Variants in UMAD1 observed in about 807,000 individuals in gnomAD.
The protein encoded by UMAD1 is UBAP1-MVB12-associated (UMA)-domain containing protein 1.
A neutral mutation model predicts 6.1 loss-of-function variants in UMAD1; 8 were observed. That is an observed-to-expected ratio of 1.30 (90% CI 0.76 to 2.35). UMAD1 has a LOEUF of 2.35. UMAD1 is among the 30% of genes most tolerant of loss of function. UMAD1 has a pLI of 0.00. For synonymous variants in UMAD1, 56 were observed against 31.4 expected (o/e 1.78, Z -2.61); for missense variants, 130 against 78.4 (o/e 1.66, Z -2.49).
chr7:7,873,705 T>C (rs73347330), intron 3 of UMAD1, among the ~76,000 whole-genome samples: 2,346 of 152,330 alleles, frequency 0.015, 66 homozygotes, highest in African/African-American at 0.051. Flanking sequence ...GTATTGGAGA[T>C]GCTTTGTGAC....
At position 7,662,645 on chromosome 7, in the gene UMAD1, C is replaced by G. The variant is rs146977201; in HGVS notation, c.-63-10664C>G. 2.8e-3 allele frequency among the ~76,000 whole-genome samples: 433 copies of G among 152,254 alleles called. 1 individual carries two copies. The highest frequency in any genetic ancestry group is 9.4e-3 in the African/African-American group (392 of 41,556). On this transcript the variant is annotated intron_variant, in intron 1 of 3. Transcript: ENST00000682710. The stretch of plus-strand genomic sequence containing the variant: ...TCTGTTCGCCCTCCTTGGGCTGCAC[C>G]CACTGTCTAACCAGTCCCAATGAGA...
At chr7:7,759,081 A>ATT (rs1180456827) in intron 2 of UMAD1, among the ~76,000 whole-genome samples, 1 of 152,178 alleles carries the variant, frequency 6.6e-6, no homozygotes, top group East Asian at 1.9e-4. Context: ...GATAGCTTGA[A>ATT]TTACTGGCTT....
At chr7:7,733,611 A>C (rs1781296400) in intron 2 of UMAD1, among the ~76,000 whole-genome samples, 1 of 147,868 alleles carries the variant, frequency 6.8e-6, no homozygotes, top group Non-Finnish European at 1.5e-5. Context: ...CAGACATTGT[A>C]CAGAATTATC....
At chr7:7,666,633 T>C (rs776579382) in intron 1 of UMAD1, among the ~76,000 whole-genome samples, 1 of 151,844 alleles carries the variant, frequency 6.6e-6, no homozygotes, top group Admixed American at 6.5e-5. Context: ...TTGCTGTTCA[T>C]GTATCTTGCT....
At chr7:7,673,711 C>CT (rs1303262041) in intron 2 of UMAD1, among the ~76,000 whole-genome samples, 1 of 88,496 alleles carries the variant, frequency 1.1e-5, no homozygotes, top group Non-Finnish European at 2.5e-5. Flanking sequence ...TTTTCCCCCC[C>CT]TTTTTTTTTT....
chr7:7,714,468 G>C (rs532626527), intron 2 of UMAD1, among the ~76,000 whole-genome samples: 2 of 152,208 alleles, frequency 1.3e-5, no homozygotes, highest in African/African-American at 2.4e-5. Flanking sequence ...TTATAGCTAC[G>C]AAACTTTGTT....
chr7:7,765,943 T>A (rs559787955), intron 2 of UMAD1, among the ~76,000 whole-genome samples: 10 of 152,316 alleles, frequency 6.6e-5, no homozygotes, highest in African/African-American at 2.2e-4. Flanking sequence ...AACAAAGTAG[T>A]CCTTGTATAT....
intron 2 of UMAD1, among the ~76,000 whole-genome samples, chr7:7,681,530 T>A (rs1268702407): frequency 6.6e-6 from 1 of 152,180 alleles, no homozygotes; most frequent in Non-Finnish European, 1.5e-5. Flanking sequence ...AAAAAAGTTC[T>A]TGTAGAAAAA....
chr7:7,677,671 T>G (rs1255821371), intron 2 of UMAD1, among the ~76,000 whole-genome samples: 21 of 133,914 alleles, frequency 1.6e-4, no homozygotes, highest in East Asian at 8.3e-4. Context: ...TTTGTTTTTT[T>G]TTTTTTTTTT....
chr7:7,744,850 A>AT (rs1472972361), intron 2 of UMAD1, among the ~76,000 whole-genome samples: 1 of 152,022 alleles, frequency 6.6e-6, no homozygotes, highest in Non-Finnish European at 1.5e-5. Context: ...ATTTGCAAAT[A>AT]TTTTTTCCCA....
chr7:7,807,696 A>G (rs904139742), intron 3 of UMAD1, among the ~76,000 whole-genome samples: 5 of 152,078 alleles, frequency 3.3e-5, no homozygotes, highest in African/African-American at 1.2e-4. Context: ...TACACGAATG[A>G]TTGTCTATGG....
intron 2 of UMAD1, among the ~76,000 whole-genome samples, chr7:7,675,409 G>A (rs1409225473): frequency 6.6e-6 from 1 of 152,088 alleles, no homozygotes; most frequent in African/African-American, 2.4e-5. Context: ...TCCAATTTCT[G>A]GTAGCATGTA....
At chr7:7,813,669 C>T (rs1192277783) in intron 3 of UMAD1, among the ~76,000 whole-genome samples, 1 of 151,844 alleles carries the variant, frequency 6.6e-6, no homozygotes, top group Non-Finnish European at 1.5e-5. Flanking sequence ...GTTGTATAAC[C>T]CTACTTTTTA....
chr7:7,818,266 G>C (rs2115292751), intron 3 of UMAD1, among the ~76,000 whole-genome samples: 2 of 152,244 alleles, frequency 1.3e-5, no homozygotes, highest in South Asian at 4.1e-4. Context: ...AGTTTGCTAA[G>C]GATAAAGGCC....
chr7:7,855,758 C>T (rs1036481393), intron 3 of UMAD1, among the ~76,000 whole-genome samples: 1 of 152,218 alleles, frequency 6.6e-6, no homozygotes, highest in African/African-American at 2.4e-5. Flanking sequence ...TTGAATTTTT[C>T]TCCAGAAAAT....
At chr7:7,811,046 A>G (rs527496740) in intron 3 of UMAD1, among the ~76,000 whole-genome samples, 26 of 152,264 alleles carry the variant, frequency 1.7e-4, no homozygotes, top group South Asian at 4.1e-4. Context: ...CAACCTGTCA[A>G]TGTCATTGAA....
intron 2 of UMAD1, among the ~76,000 whole-genome samples, chr7:7,678,239 C>G (rs1472261519): frequency 7.1e-6 from 1 of 141,262 alleles, no homozygotes; most frequent in Non-Finnish European, 1.5e-5. Flanking sequence ...CACATCCTTG[C>G]CAGCATTTGT....
At position 7,877,380 on chromosome 7, in the gene UMAD1, CT is replaced by C; in HGVS notation, c.257del (p.Leu86ArgfsTer83). 1 of 717,572 alleles carries C rather than the reference CT, an allele frequency of 1.4e-6. No individual in the cohort carries two copies. The highest frequency in any genetic ancestry group is 2.6e-6 in the Non-Finnish European group (1 of 385,108). 44.5% of individuals were successfully genotyped at this position (717,572 alleles called of 1,614,324 possible). A position where few individuals can be genotyped will look rare whatever the true frequency, so the allele number is the denominator to read the frequency against. ...LENSSLMAEL[L>X]SDVPFTLAPH... ...GAACAGCTCATTAATGGCCGAGCTC[CT>C]GAGCGATGTGCCGTTCACCCTGGCC... On this transcript the variant is annotated frameshift_variant, in exon 4 of 4. Coordinates refer to ENST00000682710, the MANE Select transcript of UMAD1 (RefSeq NM_001302348.2). LOFTEE classifies it high-confidence loss of function.
At chr7:7,805,868 A>C (rs567005668) in intron 3 of UMAD1, among the ~76,000 whole-genome samples, 1 of 151,424 alleles carries the variant, frequency 6.6e-6, no homozygotes, top group East Asian at 1.9e-4. Context: ...ACTCTGTCTT[A>C]TTTTCTCCAT....
Sources: allele counts gnomAD v4.1 joint callset (sites outside exome capture counted in the v4.1 genomes callset), GRCh38; gene constraint gnomAD v4.1.1; transcripts MANE v1.5; gene names NCBI Gene and HGNC (gene_info 2026-07-23, HGNC 2026-07-21).